TOMM34: variants seen among roughly 807,000 people sequenced by gnomAD.
The protein encoded by TOMM34 is mitochondrial import receptor subunit TOM34.
A neutral mutation model predicts 37.4 loss-of-function variants in TOMM34; 24 were observed. That is an observed-to-expected ratio of 0.64 (90% CI 0.46 to 0.90). The LOEUF is 0.90. TOMM34 is among the 40% of genes least tolerant of loss of function. The pLI is 0.00. For synonymous variants in TOMM34, 154 were observed against 148.9 expected, an observed-to-expected ratio of 1.03 and a Z score of -0.25; for missense variants, 304 against 375.6, an observed-to-expected ratio of 0.81 and a Z score of 1.58.
intron 1 of TOMM34, among the ~76,000 whole-genome samples, chr20:44,958,092 G>A (rs2067089940): frequency 2.7e-5 from 4 of 148,500 alleles, no homozygotes. Context: ...ATGTATATAT[G>A]TATATGTATA....
chr20:44,948,280 A>G (rs2066997442), intron 5 of TOMM34, among the ~76,000 whole-genome samples: 1 of 152,146 alleles, frequency 6.6e-6, no homozygotes, highest in African/African-American at 2.4e-5. Context: ...GACTGTACCC[A>G]TCCTTCCTGC....
chr20:44,943,631 A>C, intron 5 of TOMM34, 52 bp from the exon 6 acceptor site: 5 of 1,610,920 alleles, frequency 3.1e-6, no homozygotes, highest in Non-Finnish European at 4.2e-6. Context: ...TGGGCCACCC[A>C]CATGCCACGC....
chr20:44,942,503 G>A lies in TOMM34; in HGVS notation c.*606C>T, dbSNP rs1463319151. The A allele has an allele frequency of 6.5e-6, 1 of 154,242 alleles. No individual in the cohort carries two copies. The highest frequency in any genetic ancestry group is 1.4e-5 in the Non-Finnish European group (1 of 69,240). The allele number at this position is 154,242 out of a possible 1,614,324, so 9.6% of individuals were successfully genotyped here. ...ACAGAGTCAAGGACAACCATTCAAGGGTCAGGGCTCTGCCTTCCCACCAAA... is the reference window on the plus strand; with the variant it reads ...ACAGAGTCAAGGACAACCATTCAAGAGTCAGGGCTCTGCCTTCCCACCAAA... On this transcript the variant is annotated 3_prime_UTR_variant, in exon 7 of 7. Coordinates refer to ENST00000372813, the MANE Select transcript of TOMM34 (RefSeq NM_006809.5).
chr20:44,954,945 A>G (rs939187448), intron 3 of TOMM34, 123 bp downstream of exon 3: 43 of 1,252,070 alleles, frequency 3.4e-5, no homozygotes, highest in Middle Eastern at 2.6e-4. Flanking sequence ...CTACATGCCC[A>G]TCGGGAGTTT....
At chr20:44,954,879 T>C (rs567430229) in intron 3 of TOMM34, among the ~76,000 whole-genome samples, 189 bp downstream of exon 3, 49 of 152,264 alleles carry the variant, frequency 3.2e-4, no homozygotes, top group Admixed American at 1.3e-3. Flanking sequence ...ATCTTAGTAA[T>C]TGACTCCCTG....
In TOMM34 at chr20:44,943,211, G is replaced by GACA; in HGVS notation, c.827_828insTGT (p.Asp276_Tyr277insVal). On this transcript the variant is annotated inframe_insertion and splice_region_variant, in exon 7 of 7. Coordinates refer to ENST00000372813, the MANE Select transcript of TOMM34 (RefSeq NM_006809.5). ...TGATGTCTGCAAAGCTGGATTTATA[G>GACA]TCCTAATAGAAGAAAAGACAGGAGT... 1 of 1,614,076 alleles carries GACA rather than the reference G, an allele frequency of 6.2e-7. No homozygotes were observed. The highest frequency in any genetic ancestry group is 1.1e-5 in the South Asian group (1 of 91,074).
At chr20:44,943,642 A>G in intron 5 of TOMM34, 63 bp from the exon 6 acceptor site, 3 of 1,607,732 alleles carry the variant, frequency 1.9e-6, no homozygotes, top group Admixed American at 1.7e-5. Flanking sequence ...CATGCCACGC[A>G]GTAGTTTGAG....
intron 5 of TOMM34, among the ~76,000 whole-genome samples, chr20:44,944,940 C>T (rs969588755): frequency 2.0e-5 from 3 of 152,146 alleles, no homozygotes; most frequent in African/African-American, 4.8e-5. Context: ...TTTCCTTTAA[C>T]GACTTCTGTA....
At chr20:44,950,079 C>T (rs915409323) in intron 4 of TOMM34, among the ~76,000 whole-genome samples, 2 of 152,206 alleles carry the variant, frequency 1.3e-5, no homozygotes, top group African/African-American at 4.8e-5. Context: ...CTATTACAGT[C>T]TTCTACGAAC....
Position 44,960,351 on chromosome 20 carries a change from G to T in TOMM34, c.-18C>A, listed in dbSNP as rs780309180. 1 of 1,550,790 alleles carries T rather than the reference G, an allele frequency of 6.4e-7. No homozygotes were observed. The highest frequency in any genetic ancestry group is 1.4e-5 in the African/African-American group (1 of 71,436). ...GGGGCCATCCCGTGGCCAGGCCGGC[G>T]AGTTGGGAGCTCCTTCCTTCCTCCC... On this transcript the variant is annotated 5_prime_UTR_variant, in exon 1 of 7. Transcript: ENST00000372813.
intron 1 of TOMM34, among the ~76,000 whole-genome samples, chr20:44,957,629 G>T (rs895802267): frequency 6.6e-6 from 1 of 151,932 alleles, no homozygotes. Context: ...GATTTAGCAC[G>T]TTATATTAGT....
chr20:44,956,310 G>T, intron 2 of TOMM34, 76 bp downstream of exon 2: 1 of 1,409,750 alleles, frequency 7.1e-7, no homozygotes. Flanking sequence ...TCCTTCCAAA[G>T]AAGAAACAAG....
intron 5 of TOMM34, among the ~76,000 whole-genome samples, chr20:44,944,892 A>G (rs74174928): frequency 0.018 from 2,792 of 152,288 alleles, 36 homozygotes; most frequent in Non-Finnish European, 0.024. Flanking sequence ...CATCTTTAAT[A>G]AGGGTTTTTA....
chr20:44,951,377 A>C lies in TOMM34; in HGVS notation c.550+456T>G, dbSNP rs559703852. ...AAAATAAAGCTGTGATAAGTACAGA[A>C]AAATGGAGTTAGTCTGTTAATATAC... On this transcript the variant is annotated intron_variant, in intron 4 of 6. Coordinates refer to ENST00000372813, the MANE Select transcript of TOMM34 (RefSeq NM_006809.5). Among the ~76,000 whole-genome samples, 6 of 152,316 alleles carry C rather than the reference A, an allele frequency of 3.9e-5. No individual in the cohort carries two copies. The East Asian group carries it at 1.2e-3, about 29-fold the overall frequency.
intron 3 of TOMM34, among the ~76,000 whole-genome samples, chr20:44,954,106 A>G (rs1038573708): frequency 1.3e-5 from 2 of 151,824 alleles, no homozygotes; most frequent in Non-Finnish European, 2.9e-5. Context: ...CCCCTACCCC[A>G]TATCTCTCAT....
Position 44,955,082 on chromosome 20 carries a change from T to C in TOMM34, c.366A>G (p.Val122=), listed in dbSNP as rs1430089276. Residue 122 remains valine (V), a synonymous_variant, in exon 3 of 7, where the codon GTA becomes GTG. Coordinates refer to ENST00000372813, the MANE Select transcript of TOMM34 (RefSeq NM_006809.5). ...ATGGAGCTCACCTGTTGATGCCTTC[T>C]ACGGCTGACGTCACATTATCATCAA... ...LQIDDNVTSA[V]EGINRMTRAL... is the part of the protein sequence containing the mutation. The C allele has an allele frequency of 1.4e-5, 22 of 1,614,078 alleles. No homozygotes were observed. Among genetic ancestry groups the C allele is most frequent in the Non-Finnish European group, 1.9e-5 (22 of 1,180,020 alleles).
intron 1 of TOMM34, among the ~76,000 whole-genome samples, chr20:44,958,021 G>C (rs2067089056): frequency 6.6e-6 from 1 of 151,770 alleles, no homozygotes; most frequent in Admixed American, 6.5e-5. Context: ...ACTCACAGAG[G>C]CCAGTACAAT....
In TOMM34 at chr20:44,943,031, A is replaced by G. The variant is rs564122295; in HGVS notation, c.*78T>C. The G allele has an allele frequency of 1.1e-4, 150 of 1,425,720 alleles. No individual in the cohort carries two copies. The African/African-American group carries it at 1.8e-3, about 17-fold the overall frequency. The allele number at this position is 1,425,720 out of a possible 1,614,324, so 88.3% of individuals were successfully genotyped here. Reference sequence around the variant, plus strand: ...GCTCACTTGGGGCATGCTGGGTTTCAGGAGCGGGCACAGAGCAGGTGGCCC... The same window carrying G: ...GCTCACTTGGGGCATGCTGGGTTTCGGGAGCGGGCACAGAGCAGGTGGCCC... On this transcript the variant is annotated 3_prime_UTR_variant, in exon 7 of 7. Transcript: ENST00000372813.
chr20:44,960,292 G>A lies in TOMM34; in HGVS notation c.42C>T (p.Ala14=), dbSNP rs1247179618. ...CGTTGCGGAAACTCTCATTGCCGGCGGCGCGGAGCTCCTCCACAGAGTCTG... is the reference window on the plus strand; with the variant it reads ...CGTTGCGGAAACTCTCATTGCCGGCAGCGCGGAGCTCCTCCACAGAGTCTG... ...KFPDSVEELR[A]AGNESFRNGQ... is the part of the protein sequence containing the mutation. Residue 14 remains alanine (A), a synonymous_variant, in exon 1 of 7, where the codon GCC becomes GCT. Coordinates refer to ENST00000372813, the MANE Select transcript of TOMM34 (RefSeq NM_006809.5). 2 of 1,584,594 alleles carry A rather than the reference G, an allele frequency of 1.3e-6. No homozygotes were observed. The highest frequency in any genetic ancestry group is 1.8e-5 in the Admixed American group (1 of 56,864).
Sources: gnomAD v4.1 joint callset for allele counts (sites outside exome capture counted in the v4.1 genomes callset) on GRCh38, gnomAD v4.1.1 for gene constraint, MANE v1.5 for transcripts, NCBI Gene and HGNC (gene_info 2026-07-23, HGNC 2026-07-21) for gene names.